NRXN3: variants seen among roughly 807,000 people sequenced by gnomAD.
NRXN3 encodes the protein neurexin III.
NRXN3 carries 32 observed loss-of-function variants against 137.6 expected under a neutral mutation model. That is an observed-to-expected ratio of 0.23 (90% CI 0.18 to 0.31). The LOEUF (loss-of-function observed/expected upper bound fraction) is 0.31, where lower values mean the gene tolerates loss of function less well. Ranked by LOEUF, NRXN3 falls within the 10% of genes least tolerant of loss-of-function variation. The pLI is 1.00. For missense variants in NRXN3, 1,574 were observed against 2,062.5 expected (o/e 0.76, Z 4.59); for synonymous variants, 798 against 784.5 (o/e 1.02, Z -0.29).
intron 1 of NRXN3, among the ~76,000 whole-genome samples, chr14:78,190,656 C>T (rs11623671): frequency 0.016 from 396 of 24,810 alleles, 2 homozygotes; most frequent in African/African-American, 0.051. Flanking sequence ...TATTTATTTA[C>T]TTACTTACTT....
intron 16 of NRXN3, among the ~76,000 whole-genome samples, chr14:79,654,326 A>AACTT (rs1257514555): frequency 1.3e-5 from 2 of 152,074 alleles, no homozygotes; most frequent in Non-Finnish European, 2.9e-5. Flanking sequence ...ACTTAAATTA[A>AACTT]ACTTAAAAAA....
intron 15 of NRXN3, among the ~76,000 whole-genome samples, chr14:79,152,441 T>C (rs1372347390): frequency 6.6e-6 from 1 of 152,048 alleles, no homozygotes; most frequent in East Asian, 1.9e-4. Context: ...CATTGACACA[T>C]GCATTCAAAT....
At chr14:79,048,776 G>A (rs1263091018) in intron 15 of NRXN3, among the ~76,000 whole-genome samples, 1 of 150,914 alleles carries the variant, frequency 6.6e-6, no homozygotes, top group Non-Finnish European at 1.5e-5. Context: ...TGGAATCCCA[G>A]CACTTTGGGA....
chr14:78,931,874 C>T (rs766991186), intron 10 of NRXN3, among the ~76,000 whole-genome samples: 15 of 152,094 alleles, frequency 9.9e-5, no homozygotes, highest in Non-Finnish European at 1.3e-4. Flanking sequence ...AGGCTGGGCG[C>T]GGTGGCTCAC....
chr14:79,105,311 C>T (rs2052201972), intron 15 of NRXN3, among the ~76,000 whole-genome samples: 1 of 152,144 alleles, frequency 6.6e-6, no homozygotes, highest in South Asian at 2.1e-4. Flanking sequence ...AAAAGAACTT[C>T]TTCAGTCACA....
intron 15 of NRXN3, among the ~76,000 whole-genome samples, chr14:79,282,177 A>G (rs569580771): frequency 3.3e-5 from 5 of 151,944 alleles, no homozygotes; most frequent in African/African-American, 1.2e-4. Flanking sequence ...AATTTCATTG[A>G]CATGGAAACT....
intron 20 of NRXN3, among the ~76,000 whole-genome samples, chr14:79,806,956 AT>A (rs2099208961): frequency 1.6e-5 from 1 of 64,062 alleles, no homozygotes; most frequent in East Asian, 4.4e-4. Flanking sequence ...ATATATATAT[AT>A]ATATATTTTT....
intron 15 of NRXN3, among the ~76,000 whole-genome samples, chr14:79,317,411 C>T (rs1368904010): frequency 6.6e-6 from 1 of 152,164 alleles, no homozygotes; most frequent in Non-Finnish European, 1.5e-5. Flanking sequence ...ACCTTTAGTG[C>T]CTGTGTGTCT....
At chr14:79,692,727 G>A (rs1603432683) in intron 18 of NRXN3, among the ~76,000 whole-genome samples, 1 of 151,938 alleles carries the variant, frequency 6.6e-6, no homozygotes, top group East Asian at 1.9e-4. Flanking sequence ...ACCATAGATT[G>A]ACTCTTGTAA....
chr14:78,454,659 A>G (rs1398105531), intron 4 of NRXN3, among the ~76,000 whole-genome samples: 1 of 152,232 alleles, frequency 6.6e-6, no homozygotes, highest in Non-Finnish European at 1.5e-5. Flanking sequence ...GTCAGGATCT[A>G]TGATGAGAAA....
At chr14:79,055,505 AAC>A (rs1223435542) in intron 15 of NRXN3, among the ~76,000 whole-genome samples, 1 of 152,216 alleles carries the variant, frequency 6.6e-6, no homozygotes, top group African/African-American at 2.4e-5. Context: ...TTTTAAGAGA[AAC>A]ATTGGCAAAT....
At chr14:78,210,653 T>C (rs2062654282) in intron 1 of NRXN3, among the ~76,000 whole-genome samples, 2 of 152,080 alleles carry the variant, frequency 1.3e-5, no homozygotes, top group South Asian at 4.2e-4. Flanking sequence ...AAAGTTTTTC[T>C]GTGCCTCTTG....
intron 4 of NRXN3, among the ~76,000 whole-genome samples, chr14:78,373,099 G>T (rs759287788): frequency 1.3e-5 from 2 of 152,220 alleles, no homozygotes; most frequent in African/African-American, 4.8e-5. Flanking sequence ...AGATAACCTT[G>T]TCCTGTTCAA....
At chr14:78,983,934 G>T (rs1036285819) in intron 14 of NRXN3, among the ~76,000 whole-genome samples, 5 of 151,702 alleles carry the variant, frequency 3.3e-5, no homozygotes, top group Admixed American at 3.3e-4. Context: ...TGAACCCGGA[G>T]GATATTATGC....
intron 4 of NRXN3, among the ~76,000 whole-genome samples, chr14:78,523,816 C>CAAAAAAAAAAAAAAAAAA (rs56083130): frequency 4.2e-4 from 26 of 61,602 alleles, no homozygotes; most frequent in South Asian, 6.8e-4. Context: ...GACTCTGTCT[C>CAAAAAAAAAAAAAAAAAA]AAAAAAAAAA....
intron 1 of NRXN3, among the ~76,000 whole-genome samples, chr14:78,176,318 A>G (rs899169684): frequency 6.6e-6 from 1 of 151,928 alleles, no homozygotes; most frequent in Non-Finnish European, 1.5e-5. Flanking sequence ...TAGTGGTAGT[A>G]ATAGTCGTGA....
intron 4 of NRXN3, among the ~76,000 whole-genome samples, chr14:78,616,047 C>G (rs1163708157): frequency 6.6e-6 from 1 of 152,214 alleles, no homozygotes; most frequent in African/African-American, 2.4e-5. Flanking sequence ...GCCGCCATCA[C>G]TCATCACCTG....
At chr14:78,884,345 G>A (rs1038390823) in intron 10 of NRXN3, among the ~76,000 whole-genome samples, 3 of 151,906 alleles carry the variant, frequency 2.0e-5, no homozygotes, top group Non-Finnish European at 2.9e-5. Flanking sequence ...CAGCAGTGTC[G>A]GTGGATAGCA....
chr14:79,486,306 A>G (rs1471872320), intron 16 of NRXN3, among the ~76,000 whole-genome samples: 9 of 152,232 alleles, frequency 5.9e-5, no homozygotes, highest in Admixed American at 5.9e-4. Flanking sequence ...TTAACTCTGC[A>G]CCAATTAAAA....
Sources: allele counts gnomAD v4.1 joint callset (sites outside exome capture counted in the v4.1 genomes callset), GRCh38; gene constraint gnomAD v4.1.1; transcripts MANE v1.5; gene names NCBI Gene and HGNC (gene_info 2026-07-23, HGNC 2026-07-21).